Variants in RASEF observed in about 807,000 individuals in gnomAD.
The protein encoded by RASEF is RAS and EF-hand domain containing, also known as ras and EF-hand domain-containing protein.
A neutral mutation model predicts 90.1 loss-of-function variants in RASEF; 68 were observed. The observed-to-expected ratio is 0.75, with a 90% CI of 0.62 to 0.92. The LOEUF (loss-of-function observed/expected upper bound fraction) is 0.92, where lower values mean the gene tolerates loss of function less well. Ranked by LOEUF, RASEF falls within the 40% of genes least tolerant of loss-of-function variation. The pLI is 0.00. For synonymous variants in RASEF, 331 were observed against 345.2 expected, an observed-to-expected ratio of 0.96 and a Z score of 0.46; for missense variants, 949 against 937.2, an observed-to-expected ratio of 1.01 and a Z score of -0.16.
chr9:83,123,090 A>T, the RASEF span, among the ~76,000 whole-genome samples: 1 of 152,150 alleles, frequency 6.6e-6, no homozygotes, highest in South Asian at 2.1e-4. Context: ...AATACAAAAA[A>T]TTAGCTGGGT....
intron 5 of RASEF, among the ~76,000 whole-genome samples, chr9:83,011,712 CA>C (rs34585407): frequency 0.52 from 79,112 of 151,330 alleles, 20,877 homozygotes; most frequent in East Asian, 0.73. Flanking sequence ...AAGAAGAAAC[CA>C]AAAAAATCAA....
At chr9:83,150,212 C>T in the RASEF span, among the ~76,000 whole-genome samples, 2 of 152,114 alleles carry the variant, frequency 1.3e-5, no homozygotes, top group Admixed American at 1.3e-4. Flanking sequence ...GTGGAGCTGC[C>T]TTGCTCTCCA....
the RASEF span, among the ~76,000 whole-genome samples, chr9:83,144,404 G>GA: frequency 8.8e-6 from 1 of 113,384 alleles, no homozygotes; most frequent in African/African-American, 3.4e-5. Context: ...AAGAAAGAAA[G>GA]AAAGAAAGAA....
chr9:83,095,857 C>A, the RASEF span, among the ~76,000 whole-genome samples: 1 of 151,980 alleles, frequency 6.6e-6, no homozygotes, highest in Non-Finnish European at 1.5e-5. Context: ...TTTCTTAGAG[C>A]AACCAGATTT....
At chr9:83,016,566 T>C (rs1452668343) in intron 3 of RASEF, among the ~76,000 whole-genome samples, 4 of 152,156 alleles carry the variant, frequency 2.6e-5, no homozygotes, top group African/African-American at 9.7e-5. Flanking sequence ...TGACAGCCAG[T>C]AAAATTCAGT....
chr9:83,112,820 GGTTTTTTTGTTTTTT>G, the RASEF span, among the ~76,000 whole-genome samples: 1 of 151,992 alleles, frequency 6.6e-6, no homozygotes, highest in East Asian at 1.9e-4. Context: ...GCTAATTTTG[GGTTTTTTTGTTTTTT>G]GTTTTTTTAA....
At chr9:83,024,907 C>A (rs116033089) in intron 2 of RASEF, among the ~76,000 whole-genome samples, 399 of 152,172 alleles carry the variant, frequency 2.6e-3, no homozygotes, top group African/African-American at 8.8e-3. Flanking sequence ...AAGCTCCAGG[C>A]AGAAACCAGC....
chr9:83,043,947 G>A (rs1829884708), intron 1 of RASEF, among the ~76,000 whole-genome samples: 1 of 152,108 alleles, frequency 6.6e-6, no homozygotes, highest in Admixed American at 6.6e-5. Context: ...ACCAGTGCCC[G>A]CTGAGCTGCT....
At chr9:83,068,572 A>T in the RASEF span, among the ~76,000 whole-genome samples, 5 of 152,202 alleles carry the variant, frequency 3.3e-5, no homozygotes, top group Non-Finnish European at 5.9e-5. Flanking sequence ...ACCTGAATGA[A>T]CTTGGCAGAG....
At chr9:83,211,452 C>T in the RASEF span, among the ~76,000 whole-genome samples, 1 of 152,118 alleles carries the variant, frequency 6.6e-6, no homozygotes, top group Non-Finnish European at 1.5e-5. Flanking sequence ...CCCAAAGGGT[C>T]TGGTTTTCAC....
the RASEF span, among the ~76,000 whole-genome samples, chr9:83,155,698 G>A: frequency 6.6e-6 from 1 of 152,162 alleles, no homozygotes; most frequent in Non-Finnish European, 1.5e-5. Flanking sequence ...AATACACAAA[G>A]CTTCCTCATT....
At chr9:83,192,895 T>C in the RASEF span, among the ~76,000 whole-genome samples, 2 of 152,162 alleles carry the variant, frequency 1.3e-5, no homozygotes, top group Non-Finnish European at 2.9e-5. Context: ...TTACTACTAT[T>C]TCTTACAAAA....
chr9:83,184,768 A>G, the RASEF span, among the ~76,000 whole-genome samples: 2 of 152,226 alleles, frequency 1.3e-5, no homozygotes, highest in African/African-American at 4.8e-5. Context: ...TCTTAGGATA[A>G]GGACCATGTC....
chr9:83,170,448 A>G, the RASEF span, among the ~76,000 whole-genome samples: 2 of 151,782 alleles, frequency 1.3e-5, no homozygotes, highest in Non-Finnish European at 2.9e-5. Flanking sequence ...AAAAATATAT[A>G]TATATTTATG....
At chr9:83,181,078 T>A in the RASEF span, among the ~76,000 whole-genome samples, 1 of 150,332 alleles carries the variant, frequency 6.7e-6, no homozygotes, top group Non-Finnish European at 1.5e-5. Flanking sequence ...CCCCTTTTAC[T>A]CTCAAATGTG....
chr9:83,197,310 G>A, the RASEF span, among the ~76,000 whole-genome samples: 4 of 152,204 alleles, frequency 2.6e-5, no homozygotes, highest in African/African-American at 7.2e-5. Context: ...TCAGTAAGAA[G>A]AAGAGGAGTA....
At chr9:83,126,724 T>C in the RASEF span, among the ~76,000 whole-genome samples, 5 of 152,230 alleles carry the variant, frequency 3.3e-5, no homozygotes, top group African/African-American at 1.2e-4. Context: ...TAACCAACAT[T>C]GTCAGACATT....
At chr9:83,124,936 G>A in the RASEF span, among the ~76,000 whole-genome samples, 2 of 152,134 alleles carry the variant, frequency 1.3e-5, no homozygotes, top group Non-Finnish European at 1.5e-5. Flanking sequence ...AAGCCAAGCC[G>A]AGGTGTTATG....
rs1224200115 is a variant in RASEF at position 82,979,946 on chromosome 9, G to A, written c.*2731C>T. On this transcript the variant is annotated 3_prime_UTR_variant, in exon 17 of 17. Transcript: ENST00000376447. ...TCAGCAGGAGGGTTGTGCAACTTGG[G>A]TTTATGCAGATCACATCAAGTGTTA... The A allele has an allele frequency of 6.6e-6, 1 of 152,036 alleles. No homozygotes were observed. Among genetic ancestry groups the A allele is most frequent in the Non-Finnish European group, 1.5e-5 (1 of 68,012 alleles). 9.4% of individuals were successfully genotyped at this position (152,036 alleles called of 1,614,324 possible).
Sources: allele counts gnomAD v4.1 joint callset (sites outside exome capture counted in the v4.1 genomes callset), GRCh38; gene constraint gnomAD v4.1.1; transcripts MANE v1.5; gene names NCBI Gene and HGNC (gene_info 2026-07-23, HGNC 2026-07-21).